NOVA2: variants seen among roughly 807,000 people sequenced by gnomAD.
NOVA2 encodes RNA-binding protein Nova-2.
NOVA2 carries 9 observed loss-of-function variants against 22.5 expected under a neutral mutation model. The observed-to-expected ratio is 0.40, with a 90% CI of 0.24 to 0.70. The LOEUF is 0.70. NOVA2 is among the 30% of genes least tolerant of loss of function. NOVA2 has a pLI of 0.38. For synonymous variants in NOVA2, 318 were observed against 335.2 expected (o/e 0.95, Z 0.56); for missense variants, 383 against 682.8 (o/e 0.56, Z 4.89).
intron 3 of NOVA2, among the ~76,000 whole-genome samples, chr19:45,944,084 G>T (rs891008120): frequency 5.9e-5 from 9 of 152,148 alleles, no homozygotes; most frequent in African/African-American, 1.9e-4. Context: ...CTATGCTTAG[G>T]TGTGAGCAGC....
At chr19:45,960,150 G>T (rs1968073920) in intron 2 of NOVA2, among the ~76,000 whole-genome samples, 1 of 151,406 alleles carries the variant, frequency 6.6e-6, no homozygotes, top group African/African-American at 2.4e-5. Flanking sequence ...AGGAAGGGAA[G>T]AAAAAACCAG....
intron 3 of NOVA2, among the ~76,000 whole-genome samples, chr19:45,943,797 A>G (rs2146409301): frequency 6.6e-6 from 1 of 152,248 alleles, no homozygotes; most frequent in East Asian, 1.9e-4. Flanking sequence ...ATAAGTAAAT[A>G]AAAATAACAA....
rs190970124 is a variant in NOVA2, at chr19:45,964,480, C to G, written c.86-3327G>C. The stretch of plus-strand genomic sequence containing the variant: ...TACAGGGGTGAGCCACAGAGCCCAG[C>G]CAGGAAGCCTATTTTCAATGTCTCA... On this transcript the variant is annotated intron_variant, in intron 1 of 3. Coordinates refer to ENST00000263257, the MANE Select transcript of NOVA2 (RefSeq NM_002516.4). Among the ~76,000 whole-genome samples, 562 of 149,440 alleles carry G rather than the reference C, an allele frequency of 3.8e-3. 16 individuals carry two copies. Among genetic ancestry groups the G allele is most frequent in the Admixed American group, 0.034 (499 of 14,864 alleles).
intron 3 of NOVA2, among the ~76,000 whole-genome samples, chr19:45,949,502 G>A (rs1183643333): frequency 6.6e-6 from 1 of 152,078 alleles, no homozygotes; most frequent in Non-Finnish European, 1.5e-5. Flanking sequence ...AATCATGTGG[G>A]AAAAATAAAG....
At chr19:45,943,992 G>A (rs1481066442) in intron 3 of NOVA2, among the ~76,000 whole-genome samples, 2 of 152,136 alleles carry the variant, frequency 1.3e-5, no homozygotes, top group East Asian at 1.9e-4. Context: ...AAAACCTGGC[G>A]TCAGTAGCAA....
At chr19:45,966,692 A>C (rs1040708601) in intron 1 of NOVA2, among the ~76,000 whole-genome samples, 1 of 152,146 alleles carries the variant, frequency 6.6e-6, no homozygotes, top group Non-Finnish European at 1.5e-5. Flanking sequence ...AGCCTGACCA[A>C]CATGGTAAAA....
chr19:45,962,995 T>C (rs1425600519), intron 1 of NOVA2, among the ~76,000 whole-genome samples: 5 of 152,146 alleles, frequency 3.3e-5, no homozygotes, highest in Non-Finnish European at 7.4e-5. Flanking sequence ...TTTGTTAATG[T>C]AGTCTCAAGG....
chr19:45,958,987 CT>C (rs1468989214), intron 2 of NOVA2, among the ~76,000 whole-genome samples: 4 of 152,202 alleles, frequency 2.6e-5, no homozygotes, highest in Admixed American at 2.6e-4. Context: ...GGTGTGACGT[CT>C]GCTTCCCTGA....
intron 2 of NOVA2, among the ~76,000 whole-genome samples, chr19:45,958,683 A>C (rs904272865): frequency 1.3e-5 from 2 of 151,992 alleles, no homozygotes; most frequent in Admixed American, 6.6e-5. Context: ...GTGTGTGTGC[A>C]TGCTAACCTA....
intron 2 of NOVA2, among the ~76,000 whole-genome samples, chr19:45,956,614 C>T (rs970002522): frequency 2.7e-4 from 41 of 152,210 alleles, no homozygotes; most frequent in African/African-American, 8.4e-4. Context: ...GGATTACAGG[C>T]GTGTGCCACC....
chr19:45,973,244 C>T, intron 1 of NOVA2, 23 bp downstream of exon 1: 1 of 1,435,088 alleles, frequency 7.0e-7, no homozygotes, highest in Non-Finnish European at 9.2e-7. Flanking sequence ...GCTCCCCCGC[C>T]CCGAGCCGCA....
At chr19:45,951,326 T>C (rs185033374) in intron 3 of NOVA2, among the ~76,000 whole-genome samples, 8 of 151,312 alleles carry the variant, frequency 5.3e-5, no homozygotes, top group African/African-American at 1.9e-4. Context: ...AATACAAAAA[T>C]TAGCCAGGGG....
chr19:45,935,021 TGACGGTCGAGTGGGGCG>T lies in NOVA2; in HGVS notation c.*4825_*4841del. On this transcript the variant is annotated 3_prime_UTR_variant, in exon 4 of 4. Transcript: ENST00000263257. Reference sequence around the variant, plus strand: ...TCAAAAAGAGTTCGATGAGCGAGTCTGACGGTCGAGTGGGGCGGGCTGGAGCAATGAGGCCGCAGGTC... The same window carrying T: ...TCAAAAAGAGTTCGATGAGCGAGTCTGGCTGGAGCAATGAGGCCGCAGGTC... 6.6e-6 allele frequency: 1 copy of T among 151,304 alleles called. No homozygotes were observed. The highest frequency in any genetic ancestry group is 2.1e-4 in the South Asian group (1 of 4,734). 9.4% of individuals were successfully genotyped at this position (151,304 alleles called of 1,614,324 possible).
chr19:45,971,402 G>A (rs2146430837), intron 1 of NOVA2, among the ~76,000 whole-genome samples: 1 of 152,226 alleles, frequency 6.6e-6, no homozygotes, highest in Admixed American at 6.5e-5. Context: ...AGTGGGGCAG[G>A]AAGGAGGGAA....
intron 3 of NOVA2, among the ~76,000 whole-genome samples, chr19:45,952,168 A>G (rs1201489247): frequency 6.6e-6 from 1 of 152,212 alleles, no homozygotes; most frequent in African/African-American, 2.4e-5. Flanking sequence ...TGACTCAAAA[A>G]TCCCATAATA....
rs1319439712 is a variant in NOVA2 at position 45,939,586 on chromosome 19, G to T, written c.*277C>A. 2 of 497,028 alleles carry T rather than the reference G, an allele frequency of 4.0e-6. No homozygotes were observed. The highest frequency in any genetic ancestry group is 7.2e-6 in the Non-Finnish European group (2 of 278,194). The allele number at this position is 497,028 out of a possible 1,614,324, so 30.8% of individuals were successfully genotyped here. On this transcript the variant is annotated 3_prime_UTR_variant, in exon 4 of 4. Coordinates refer to ENST00000263257, the MANE Select transcript of NOVA2 (RefSeq NM_002516.4). ...TATATACAGATATCACACAGACCTG[G>T]GCCCTGGGACAGGAAGGGTCAGGCC...
chr19:45,965,840 G>A (rs911551754), intron 1 of NOVA2, among the ~76,000 whole-genome samples: 1 of 152,356 alleles, frequency 6.6e-6, no homozygotes, highest in East Asian at 1.9e-4. Flanking sequence ...AATCATGATA[G>A]TGCTACTTCA....
chr19:45,973,312 C>T lies in NOVA2; in HGVS notation c.40G>A (p.Glu14Lys). Residue 14 changes from glutamate to lysine, a missense_variant, in exon 1 of 4, where the codon GAA becomes AAA. Physicochemically the swap from Glu to Lys is moderately conservative, Grantham distance 56. Coordinates refer to ENST00000263257, the MANE Select transcript of NOVA2 (RefSeq NM_002516.4). ...GTGCAGACCACCTCGGGGGGCGTTT[C>T]GAGGGGCCTCTTGCGGGAATCCGGG... ...EAPDSRKRPL[E>K]TPPEVVCTKR... 1 of 1,317,184 alleles carries T rather than the reference C, an allele frequency of 7.6e-7. No homozygotes were observed. Among genetic ancestry groups the T allele is most frequent in the Non-Finnish European group, 9.7e-7 (1 of 1,027,296 alleles). 81.6% of individuals were successfully genotyped at this position (1,317,184 alleles called of 1,614,324 possible).
Position 45,963,507 on chromosome 19 carries a change from C to A in NOVA2, c.86-2354G>T, listed in dbSNP as rs532979966. Among the ~76,000 whole-genome samples the A allele has an allele frequency of 1.9e-3, 283 of 151,968 alleles. 4 individuals are homozygous for A. Among genetic ancestry groups the A allele is most frequent in the Non-Finnish European group, 9.3e-4 (63 of 67,944 alleles). On this transcript the variant is annotated intron_variant, in intron 1 of 3. Transcript: ENST00000263257. ...GCTTTTGTGCATGCTCTGTGCCTGG[C>A]AGCTTCTCTTCCCCTCAGTCAGTTT...
Sources: allele counts gnomAD v4.1 joint callset (sites outside exome capture counted in the v4.1 genomes callset), GRCh38; gene constraint gnomAD v4.1.1; transcripts MANE v1.5; gene names NCBI Gene and HGNC (gene_info 2026-07-23, HGNC 2026-07-21).